LRRN2: variants seen among roughly 807,000 people sequenced by gnomAD.
LRRN2 encodes the protein leucine-rich repeat neuronal protein 2.
LRRN2 carries 10 observed loss-of-function variants against 35.7 expected under a neutral mutation model. That is an observed-to-expected ratio of 0.28 (90% confidence interval 0.17 to 0.47). LRRN2 has a LOEUF of 0.47. LRRN2 is among the 20% of genes least tolerant of loss of function. LRRN2 has a pLI of 0.99. For missense variants in LRRN2, 731 were observed against 940.3 expected, an observed-to-expected ratio of 0.78 and a Z score of 2.91; for synonymous variants, 391 against 409.6, an observed-to-expected ratio of 0.95 and a Z score of 0.55.
chr1:204,671,642 TAAAAAAAAAAAA>T (rs35192809), intron 1 of LRRN2, among the ~76,000 whole-genome samples: 21 of 30,252 alleles, frequency 6.9e-4, no homozygotes, highest in South Asian at 3.1e-3. Context: ...TAATTGATGG[TAAAAAAAAAAAA>T]AAAAAAAAAA....
At chr1:204,634,111 A>G (rs1350754285) in intron 1 of LRRN2, among the ~76,000 whole-genome samples, 1 of 152,284 alleles carries the variant, frequency 6.6e-6, no homozygotes. Context: ...TTGAAATTAA[A>G]CTAATTAAGA....
At chr1:204,684,483 C>T (rs1669021947) in intron 1 of LRRN2, among the ~76,000 whole-genome samples, 1 of 152,168 alleles carries the variant, frequency 6.6e-6, no homozygotes. Flanking sequence ...TCTCCTGCAC[C>T]TCTTTAGCTT....
chr1:204,657,102 G>A (rs1668373598), intron 1 of LRRN2, among the ~76,000 whole-genome samples: 1 of 152,142 alleles, frequency 6.6e-6, no homozygotes, highest in Non-Finnish European at 1.5e-5. Flanking sequence ...TCAGGAGTTT[G>A]AGACCAGCCT....
intron 1 of LRRN2, among the ~76,000 whole-genome samples, chr1:204,683,527 T>C (rs911425367): frequency 2.0e-5 from 3 of 151,824 alleles, no homozygotes; most frequent in African/African-American, 4.8e-5. Flanking sequence ...AAGAACTGTG[T>C]TGAATTAGAG....
intron 1 of LRRN2, among the ~76,000 whole-genome samples, chr1:204,660,169 G>GAC (rs1425952288): frequency 6.6e-6 from 1 of 152,098 alleles, no homozygotes; most frequent in Non-Finnish European, 1.5e-5. Flanking sequence ...TTGTTCACAG[G>GAC]ACTCCTGCTC....
intron 1 of LRRN2, among the ~76,000 whole-genome samples, chr1:204,680,814 AC>A (rs1418739115): frequency 3.9e-5 from 6 of 152,206 alleles, no homozygotes; most frequent in Non-Finnish European, 5.9e-5. Context: ...CTTTTCATGC[AC>A]GATACCTGTG....
At chr1:204,631,263 TATATATA>T (rs1218404468) in intron 1 of LRRN2, among the ~76,000 whole-genome samples, 1 of 19,202 alleles carries the variant, frequency 5.2e-5, no homozygotes, top group East Asian at 1.9e-3. Flanking sequence ...GTTCTATATA[TATATATA>T]TATATATATA....
At chr1:204,620,947 G>T (rs1320209148) in intron 1 of LRRN2, 1 of 166,588 alleles carries the variant, frequency 6.0e-6, no homozygotes, top group African/African-American at 2.4e-5. Context: ...GGAGGTGGGT[G>T]AGGGTTGGTG....
rs573348207 is a variant in LRRN2 at position 204,656,478 on chromosome 1, T to C, written c.-227+28842A>G. 3.3e-4 allele frequency among the ~76,000 whole-genome samples: 51 copies of C among 152,388 alleles called. No homozygotes were observed. In the East Asian group the frequency reaches 9.4e-3, roughly 28 times the overall value. ...ACAATTTGTCTCTCCCTGAGGTTCA[T>C]GTCATCTTTCTTGTTTTCCACCTTG... On this transcript the variant is annotated intron_variant, in intron 1 of 1. Transcript: ENST00000367177.
intron 1 of LRRN2, among the ~76,000 whole-genome samples, chr1:204,643,199 G>A (rs1051996359): frequency 6.6e-6 from 1 of 152,194 alleles, no homozygotes; most frequent in Non-Finnish European, 1.5e-5. Flanking sequence ...GTCAGAAAAG[G>A]AGACATCGTC....
chr1:204,641,240 G>A (rs1463818622), intron 1 of LRRN2, among the ~76,000 whole-genome samples: 1 of 152,130 alleles, frequency 6.6e-6, no homozygotes, highest in East Asian at 1.9e-4. Context: ...TTGTAGCCTA[G>A]GATAATTATT....
intron 1 of LRRN2, among the ~76,000 whole-genome samples, chr1:204,633,454 T>C (rs1667758625): frequency 6.6e-6 from 1 of 152,156 alleles, no homozygotes; most frequent in African/African-American, 2.4e-5. Flanking sequence ...GAAGATACAG[T>C]ATGCTTCCAA....
rs770283181 is a variant in LRRN2, at chr1:204,619,775, G to T, written c.218C>A (p.Thr73Asn). The change falls in exon 2 of 2, where the codon ACC (threonine) becomes AAC (asparagine). Residue 73 changes from threonine to asparagine, a missense_variant. Thr to Asn is a moderately conservative substitution (Grantham distance 65). Around this residue, in one of 3 missense-constraint regions of LRRN2, gnomAD observed 246 missense variants for 289.5 expected, o/e 0.85. Coordinates refer to ENST00000367177, the MANE Select transcript of LRRN2 (RefSeq NM_201630.2). ...VPPALPAGTQ[T>N]LLLQSNSIVR... Reference sequence around the variant, plus strand: ...AATGCTGTTGCTCTGCAGGAGCAGGGTCTGTGTGCCTGCGGGGAGTGCCGG... The same window carrying T: ...AATGCTGTTGCTCTGCAGGAGCAGGTTCTGTGTGCCTGCGGGGAGTGCCGG... The T allele has an allele frequency of 6.2e-7, 1 of 1,614,244 alleles. No individual in the cohort carries two copies. Among genetic ancestry groups the T allele is most frequent in the Middle Eastern group, 1.6e-4 (1 of 6,062 alleles).
chr1:204,632,650 C>T (rs772378870), intron 1 of LRRN2, among the ~76,000 whole-genome samples: 20 of 135,696 alleles, frequency 1.5e-4, no homozygotes, highest in Non-Finnish European at 2.5e-4. Context: ...AAAAAAAATT[C>T]GCCACGCGCA....
chr1:204,683,520 A>G (rs986522131), intron 1 of LRRN2, among the ~76,000 whole-genome samples: 1 of 152,064 alleles, frequency 6.6e-6, no homozygotes, highest in African/African-American at 2.4e-5. Flanking sequence ...AGTGAGGAAG[A>G]ACTGTGTTGA....
chr1:204,634,018 T>C (rs1470622331), intron 1 of LRRN2, among the ~76,000 whole-genome samples: 3 of 152,266 alleles, frequency 2.0e-5, no homozygotes, highest in African/African-American at 7.2e-5. Context: ...AAGGAAATGC[T>C]TCCATCTGTG....
chr1:204,657,898 G>A (rs919191623), intron 1 of LRRN2, among the ~76,000 whole-genome samples: 12 of 140,362 alleles, frequency 8.5e-5, no homozygotes, highest in African/African-American at 3.2e-4. Flanking sequence ...TTTATTTATT[G>A]TTTATTTTGG....
chr1:204,675,151 C>G (rs910029743), intron 1 of LRRN2, among the ~76,000 whole-genome samples: 1 of 152,228 alleles, frequency 6.6e-6, no homozygotes, highest in Admixed American at 6.5e-5. Flanking sequence ...ATTTCAGACA[C>G]GCTGTATTTC....
At chr1:204,651,729 G>A (rs1246868935) in intron 1 of LRRN2, among the ~76,000 whole-genome samples, 2 of 152,224 alleles carry the variant, frequency 1.3e-5, no homozygotes, top group Non-Finnish European at 2.9e-5. Context: ...CCCAAGGGAA[G>A]TTCTGTCGGA....
Sources: allele counts gnomAD v4.1 joint callset (sites outside exome capture counted in the v4.1 genomes callset), GRCh38; gene constraint gnomAD v4.1.1; regional missense constraint gnomAD v4.1.1; transcripts MANE v1.5; gene names NCBI Gene and HGNC (gene_info 2026-07-23, HGNC 2026-07-21).